Variants in CFAP96 observed in about 807,000 individuals in gnomAD.
CFAP96 encodes the protein cilia-and flagella-associated protein 96.
chr4:185,449,562 AT>A, the CFAP96 span: 1 of 1,395,538 alleles, frequency 7.2e-7, no homozygotes, highest in Non-Finnish European at 9.8e-7. Flanking sequence ...ACTTGCACCT[AT>A]AAAATTAATG....
the CFAP96 span, chr4:185,432,084 G>A: frequency 6.4e-7 from 1 of 1,551,680 alleles, no homozygotes; most frequent in East Asian, 2.4e-5. Context: ...CATTTTGTAA[G>A]GATTTTTGAA....
chr4:185,436,719 A>AATAATAATAAT, the CFAP96 span, among the ~76,000 whole-genome samples: 2 of 148,392 alleles, frequency 1.3e-5, no homozygotes, highest in Non-Finnish European at 3.0e-5. Context: ...CAAAAATAAT[A>AATAATAATAAT]ATAATAATAA....
chr4:185,446,777 GT>G, the CFAP96 span, among the ~76,000 whole-genome samples: 1 of 152,082 alleles, frequency 6.6e-6, no homozygotes, highest in Non-Finnish European at 1.5e-5. Flanking sequence ...TTTAAGATGT[GT>G]TTTCTATAAA....
At chr4:185,409,676 G>T in the CFAP96 span, among the ~76,000 whole-genome samples, 1 of 152,298 alleles carries the variant, frequency 6.6e-6, no homozygotes, top group Admixed American at 6.5e-5. Context: ...CCTGGAACTT[G>T]TGAATGCACC....
At chr4:185,432,377 T>G in the CFAP96 span, among the ~76,000 whole-genome samples, 2 of 152,230 alleles carry the variant, frequency 1.3e-5, no homozygotes, top group African/African-American at 4.8e-5. Context: ...TAATCTTGAT[T>G]AAATATATTC....
the CFAP96 span, among the ~76,000 whole-genome samples, chr4:185,427,222 G>A: frequency 6.6e-6 from 1 of 152,222 alleles, no homozygotes; most frequent in Non-Finnish European, 1.5e-5. Context: ...TCCTGCCCTT[G>A]TGCCGTGGAG....
chr4:185,414,729 G>A, the CFAP96 span, among the ~76,000 whole-genome samples: 1 of 152,124 alleles, frequency 6.6e-6, no homozygotes, highest in Non-Finnish European at 1.5e-5. Flanking sequence ...AACCTTACTT[G>A]TGGAGTATTA....
the CFAP96 span, among the ~76,000 whole-genome samples, chr4:185,430,563 G>A: frequency 6.6e-6 from 1 of 152,172 alleles, no homozygotes; most frequent in Admixed American, 6.6e-5. Flanking sequence ...TTGTGAAAAT[G>A]TTTATACTTT....
the CFAP96 span, among the ~76,000 whole-genome samples, chr4:185,444,400 A>C: frequency 1.3e-5 from 2 of 152,354 alleles, no homozygotes; most frequent in South Asian, 4.1e-4. Context: ...AAATCAGTTT[A>C]AGAAGTCAAA....
the CFAP96 span, among the ~76,000 whole-genome samples, chr4:185,423,098 A>T: frequency 1.3e-5 from 2 of 152,164 alleles, no homozygotes; most frequent in African/African-American, 4.8e-5. Context: ...GCCTCAAGTG[A>T]TCCGCCTGTC....
At chr4:185,414,587 A>C in the CFAP96 span, among the ~76,000 whole-genome samples, 2 of 152,200 alleles carry the variant, frequency 1.3e-5, no homozygotes, top group Admixed American at 1.3e-4. Context: ...AAGATGCTCC[A>C]CGGTCTAATT....
the CFAP96 span, among the ~76,000 whole-genome samples, chr4:185,440,972 A>G: frequency 3.4e-5 from 5 of 146,978 alleles, no homozygotes; most frequent in Non-Finnish European, 7.5e-5. Flanking sequence ...TTTTTTTGAG[A>G]TGGAGTCTCA....
chr4:185,444,244 C>T, the CFAP96 span, among the ~76,000 whole-genome samples: 5 of 151,954 alleles, frequency 3.3e-5, no homozygotes, highest in Non-Finnish European at 7.4e-5. Context: ...TGAGCCACCG[C>T]GCCCGGCCTG....
At chr4:185,408,981 T>C in the CFAP96 span, among the ~76,000 whole-genome samples, 1 of 152,236 alleles carries the variant, frequency 6.6e-6, no homozygotes, top group African/African-American at 2.4e-5. Flanking sequence ...GATACATTAC[T>C]TATCATTTAA....
chr4:185,435,418 G>A, the CFAP96 span, among the ~76,000 whole-genome samples: 65 of 152,292 alleles, frequency 4.3e-4, 1 homozygote, highest in African/African-American at 1.3e-3. Flanking sequence ...TTAAGAATTA[G>A]AGACTATGAC....
At chr4:185,418,398 A>G in the CFAP96 span, 1 of 1,465,410 alleles carries the variant, frequency 6.8e-7, no homozygotes, top group Non-Finnish European at 9.4e-7. Context: ...AAATCCAAAG[A>G]TTTAACATTT....
the CFAP96 span, chr4:185,408,443 C>A: frequency 1.2e-6 from 2 of 1,611,678 alleles, no homozygotes; most frequent in Non-Finnish European, 1.7e-6. Flanking sequence ...AATCTATATA[C>A]AGAGAAGAAA....
chr4:185,425,387 T>C, the CFAP96 span, among the ~76,000 whole-genome samples: 2 of 152,004 alleles, frequency 1.3e-5, no homozygotes, highest in Non-Finnish European at 2.9e-5. Flanking sequence ...AAGGTCTAAC[T>C]TAGAGATAAA....
chr4:185,409,419 G>A, the CFAP96 span, among the ~76,000 whole-genome samples: 4 of 152,000 alleles, frequency 2.6e-5, no homozygotes, highest in East Asian at 7.8e-4. Context: ...TGAACTTCTA[G>A]GCTCAAGTGA....
Sources: allele counts gnomAD v4.1 joint callset (sites outside exome capture counted in the v4.1 genomes callset), GRCh38; gene constraint gnomAD v4.1.1; transcripts MANE v1.5; gene names NCBI Gene and HGNC (gene_info 2026-07-23, HGNC 2026-07-21).